The following GPHN variants were observed in gnomAD, a reference collection of about 807,000 sequenced individuals.
GPHN encodes the protein gephyrin.
In GPHN, 17 loss-of-function variants were observed where a neutral mutation model predicts 95.5. The ratio of observed to expected loss-of-function variants is 0.18; its 90% CI spans 0.12 to 0.27. The LOEUF (loss-of-function observed/expected upper bound fraction) is 0.27. Ranked by LOEUF, GPHN falls within the 10% of genes least tolerant of loss-of-function variation. The pLI, the probability that GPHN is intolerant of heterozygous loss-of-function variation, is 1.00. For missense variants in GPHN, 660 were observed against 978.1 expected (o/e 0.67, Z 4.34); for synonymous variants, 320 against 322.5 (o/e 0.99, Z 0.08).
chr14:66,668,768 T>C (rs1057023781), intron 1 of GPHN, among the ~76,000 whole-genome samples: 1 of 152,182 alleles, frequency 6.6e-6, no homozygotes, highest in African/African-American at 2.4e-5. Flanking sequence ...CTTCACATCC[T>C]GCACTTGTAC....
At chr14:67,537,345 A>AT in the GPHN span, among the ~76,000 whole-genome samples, 3 of 125,486 alleles carry the variant, frequency 2.4e-5, no homozygotes, top group East Asian at 2.2e-4. Context: ...CTCCATCTCA[A>AT]AAATAATAAT....
At chr14:67,254,839 A>C in the GPHN span, among the ~76,000 whole-genome samples, 1 of 152,306 alleles carries the variant, frequency 6.6e-6, no homozygotes. Flanking sequence ...GTAAGCTGTA[A>C]ATCACTTGAA....
At chr14:67,508,768 A>C in the GPHN span, among the ~76,000 whole-genome samples, 178 of 151,064 alleles carry the variant, frequency 1.2e-3, 3 homozygotes, top group African/African-American at 4.3e-3. Flanking sequence ...AAAAAAAAAA[A>C]AAACAGAAGA....
chr14:66,946,372 A>G (rs911363854), intron 8 of GPHN, among the ~76,000 whole-genome samples: 4 of 152,204 alleles, frequency 2.6e-5, no homozygotes, highest in Non-Finnish European at 4.4e-5. Flanking sequence ...GAAAGCCATC[A>G]AAATTAAGTG....
chr14:67,466,407 T>C, the GPHN span, among the ~76,000 whole-genome samples: 1 of 152,242 alleles, frequency 6.6e-6, no homozygotes, highest in Non-Finnish European at 1.5e-5. Context: ...GGCAGGGCTC[T>C]GCAGGGATTA....
chr14:66,976,736 G>A (rs986266553), intron 9 of GPHN, among the ~76,000 whole-genome samples: 7 of 151,994 alleles, frequency 4.6e-5, no homozygotes, highest in Non-Finnish European at 1.0e-4. Flanking sequence ...TTTTAACCCT[G>A]TTCTTAAGGA....
At chr14:67,090,701 T>C (rs1371609511) in intron 12 of GPHN, among the ~76,000 whole-genome samples, 1 of 152,046 alleles carries the variant, frequency 6.6e-6, no homozygotes, top group Non-Finnish European at 1.5e-5. Context: ...CATCTCTTAG[T>C]AGTTATCTTT....
At chr14:66,718,282 T>C (rs1048729297) in intron 2 of GPHN, among the ~76,000 whole-genome samples, 3 of 152,178 alleles carry the variant, frequency 2.0e-5, no homozygotes, top group African/African-American at 4.8e-5. Flanking sequence ...TGGGTCTCGC[T>C]GACTTCAGGA....
intron 1 of GPHN, among the ~76,000 whole-genome samples, chr14:66,536,184 C>T (rs1397286854): frequency 2.6e-5 from 4 of 152,184 alleles, no homozygotes; most frequent in African/African-American, 9.6e-5. Context: ...ACTCCTGGCT[C>T]AAATGATATT....
At chr14:66,889,538 A>C (rs2064364821) in intron 5 of GPHN, among the ~76,000 whole-genome samples, 1 of 152,176 alleles carries the variant, frequency 6.6e-6, no homozygotes, top group Non-Finnish European at 1.5e-5. Context: ...AAGAAATCAT[A>C]AGGGAAATTA....
At chr14:67,249,913 TA>T in the GPHN span, among the ~76,000 whole-genome samples, 1 of 152,230 alleles carries the variant, frequency 6.6e-6, no homozygotes, top group Non-Finnish European at 1.5e-5. Context: ...GGTGCTCTGC[TA>T]GGACTTGGTT....
chr14:66,975,930 G>A (rs766416026), intron 9 of GPHN, among the ~76,000 whole-genome samples: 10 of 152,080 alleles, frequency 6.6e-5, no homozygotes, highest in Non-Finnish European at 1.3e-4. Flanking sequence ...TCTGTTATTT[G>A]TAACACCAAG....
rs528429917 is a variant in GPHN, at chr14:66,918,710, A to G, written c.456+2641A>G. Among the ~76,000 whole-genome samples the G allele has an allele frequency of 1.4e-4, 21 of 152,132 alleles. No individual in the cohort carries two copies. The South Asian group carries it at 4.4e-3, about 32-fold the overall frequency. On this transcript the variant is annotated intron_variant, in intron 6 of 22. Transcript: ENST00000478722. ...TGTCTCTGGTGCCCAAAGTCCATGG[A>G]CAACAAAGACATTCCTATTAGGCGT...
At chr14:66,551,208 A>G (rs2059800099) in intron 1 of GPHN, 1 of 152,246 alleles carries the variant, frequency 6.6e-6, no homozygotes, top group African/African-American at 2.4e-5. Context: ...TTTAGATATA[A>G]TGCTTTTGCA....
At chr14:67,385,824 C>A in the GPHN span, 4 of 152,048 alleles carry the variant, frequency 2.6e-5, no homozygotes, top group Non-Finnish European at 5.9e-5. Flanking sequence ...CAAACCAGTT[C>A]TTAATAATGT....
intron 9 of GPHN, among the ~76,000 whole-genome samples, chr14:66,968,614 G>A (rs1567163343): frequency 6.6e-6 from 1 of 152,048 alleles, no homozygotes; most frequent in Non-Finnish European, 1.5e-5. Flanking sequence ...TAGAAGATCT[G>A]GATGGAAATG....
intron 1 of GPHN, among the ~76,000 whole-genome samples, chr14:66,560,104 T>C (rs1225808505): frequency 6.6e-6 from 1 of 152,146 alleles, no homozygotes; most frequent in Non-Finnish European, 1.5e-5. Context: ...TCTATATCTC[T>C]GTTTTGGTAC....
intron 1 of GPHN, among the ~76,000 whole-genome samples, chr14:66,670,182 G>A (rs2066222032): frequency 6.6e-6 from 1 of 152,210 alleles, no homozygotes; most frequent in South Asian, 2.1e-4. Flanking sequence ...TAAGGCGGAA[G>A]GTTTTCCATG....
intron 17 of GPHN, among the ~76,000 whole-genome samples, chr14:67,136,913 G>A (rs1318028741): frequency 2.0e-5 from 3 of 152,016 alleles, no homozygotes; most frequent in Admixed American, 1.3e-4. Flanking sequence ...TTGGCTAGGC[G>A]CAGTGGCTCA....
Sources: gnomAD v4.1 joint callset for allele counts (sites outside exome capture counted in the v4.1 genomes callset) on GRCh38, gnomAD v4.1.1 for gene constraint, MANE v1.5 for transcripts, NCBI Gene and HGNC (gene_info 2026-07-23, HGNC 2026-07-21) for gene names.